The following CACNA1C variants were observed in gnomAD, a reference collection of about 807,000 sequenced individuals.
CACNA1C encodes voltage-dependent L-type calcium channel subunit alpha-1C.
In CACNA1C, 30 loss-of-function variants were observed where a neutral mutation model predicts 229.0. That is an observed-to-expected ratio of 0.13 (90% CI 0.10 to 0.18). The LOEUF is 0.18. Among genes scored for constraint, CACNA1C ranks in the 10% least tolerant of loss-of-function variants. The probability of loss-of-function intolerance (pLI) is 1.00; values close to 1 mark genes in which losing one functional copy is unlikely to be tolerated. For missense variants in CACNA1C, 1,658 were observed against 2,845.0 expected (o/e 0.58, Z 9.49); for synonymous variants, 1,114 against 1,132.5 (o/e 0.98, Z 0.33).
intron 3 of CACNA1C, among the ~76,000 whole-genome samples, chr12:2,248,513 C>T (rs962766372): frequency 5.3e-5 from 8 of 152,288 alleles, no homozygotes; most frequent in African/African-American, 1.4e-4. Context: ...CTGGCAGATG[C>T]TCTGTGTTGA....
At chr12:2,086,618 C>CG (rs2067770085) in intron 1 of CACNA1C, among the ~76,000 whole-genome samples, 1 of 152,216 alleles carries the variant, frequency 6.6e-6, no homozygotes, top group African/African-American at 2.4e-5. Context: ...AGTGCAGTTA[C>CG]TCCTGGTCAG....
At chr12:2,456,374 A>ATGAT (rs1472238195) in intron 4 of CACNA1C, among the ~76,000 whole-genome samples, 1 of 152,212 alleles carries the variant, frequency 6.6e-6, no homozygotes, top group African/African-American at 2.4e-5. Context: ...CAACAGCAGA[A>ATGAT]TGATTCTTTT....
intron 3 of CACNA1C, among the ~76,000 whole-genome samples, chr12:2,161,708 T>G (rs1466820765): frequency 1.3e-5 from 2 of 152,196 alleles, no homozygotes; most frequent in Non-Finnish European, 2.9e-5. Context: ...GAATGCTGTT[T>G]GGCAAACAAA....
At chr12:2,246,174 G>A (rs2073123475) in intron 3 of CACNA1C, among the ~76,000 whole-genome samples, 2 of 152,194 alleles carry the variant, frequency 1.3e-5, no homozygotes, top group South Asian at 2.1e-4. Context: ...ACAGGGCATG[G>A]CGTGGGGACA....
At chr12:2,126,699 G>T (rs1184551023) in intron 3 of CACNA1C, among the ~76,000 whole-genome samples, 3 of 152,216 alleles carry the variant, frequency 2.0e-5, no homozygotes, top group Admixed American at 6.5e-5. Flanking sequence ...GCTTGAGCTA[G>T]ACTAGGAAGA....
At chr12:2,202,805 T>G (rs2097631575) in intron 3 of CACNA1C, among the ~76,000 whole-genome samples, 1 of 152,024 alleles carries the variant, frequency 6.6e-6, no homozygotes, top group Non-Finnish European at 1.5e-5. Flanking sequence ...GAGCGGAGGG[T>G]GGAATGAGGC....
At chr12:2,580,130 A>T (rs2059974479) in intron 13 of CACNA1C, among the ~76,000 whole-genome samples, 1 of 152,260 alleles carries the variant, frequency 6.6e-6, no homozygotes, top group African/African-American at 2.4e-5. Context: ...TCTGCCGTCT[A>T]AAATTTAGAG....
At chr12:2,624,702 G>T (rs1280296685) in intron 29 of CACNA1C, among the ~76,000 whole-genome samples, 1 of 152,146 alleles carries the variant, frequency 6.6e-6, no homozygotes, top group Non-Finnish European at 1.5e-5. Flanking sequence ...AGCGCCCCGT[G>T]GTGGCCAGTG....
At chr12:2,480,838 T>C (rs572404273) in intron 5 of CACNA1C, among the ~76,000 whole-genome samples, 15 of 152,336 alleles carry the variant, frequency 9.8e-5, no homozygotes, top group African/African-American at 3.4e-4. Context: ...GAAATGTTCA[T>C]GCCTAAACAC....
chr12:2,531,559 CTG>C (rs1271317825), intron 9 of CACNA1C, among the ~76,000 whole-genome samples: 1 of 152,222 alleles, frequency 6.6e-6, no homozygotes, highest in African/African-American at 2.4e-5. Context: ...CAGAACAAGT[CTG>C]TGGCTAAGCT....
intron 3 of CACNA1C, among the ~76,000 whole-genome samples, chr12:2,159,109 G>A (rs560611033): frequency 2.6e-5 from 4 of 152,132 alleles, no homozygotes; most frequent in Non-Finnish European, 5.9e-5. Flanking sequence ...AAAGCTTATT[G>A]TTGTTGAGGG....
intron 3 of CACNA1C, among the ~76,000 whole-genome samples, chr12:2,420,610 G>A (rs1176963258): frequency 6.6e-6 from 1 of 152,196 alleles, no homozygotes; most frequent in Non-Finnish European, 1.5e-5. Flanking sequence ...AAGGGATTTT[G>A]CATTTGCCCA....
intron 13 of CACNA1C, among the ~76,000 whole-genome samples, chr12:2,569,087 G>A (rs115641179): frequency 0.019 from 2,865 of 152,220 alleles, 84 homozygotes; most frequent in African/African-American, 0.064. Context: ...CTGCACTGCA[G>A]ATGGTGTTCA....
At position 1,971,326 on chromosome 12, in the gene CACNA1C, A is replaced by T; in HGVS notation, c.139+125A>T. ...ACTCATCTCTCCATATTTAATCAGGATTTACCACACACCGTTGTAAAATTT... is the reference window on the plus strand; with the variant it reads ...ACTCATCTCTCCATATTTAATCAGGTTTTACCACACACCGTTGTAAAATTT... On this transcript the variant is annotated intron_variant, in intron 1 of 46. Transcript: ENST00000682462. This position sits in a 1 kb window ranked among gnomAD's most constrained non-coding sequence, Gnocchi z 4.2. The T allele has an allele frequency of 2.1e-6, 1 of 477,236 alleles. No individual in the cohort carries two copies. Among genetic ancestry groups the T allele is most frequent in the Non-Finnish European group, 3.4e-6 (1 of 296,066 alleles). 29.6% of individuals were successfully genotyped at this position (477,236 alleles called of 1,614,324 possible).
intron 29 of CACNA1C, among the ~76,000 whole-genome samples, chr12:2,626,701 A>G (rs938454536): frequency 6.6e-6 from 1 of 152,042 alleles, no homozygotes; most frequent in African/African-American, 2.4e-5. Flanking sequence ...GGGATCCCCC[A>G]ATCTACCCAG....
At chr12:2,170,622 G>T (rs558781533) in intron 3 of CACNA1C, among the ~76,000 whole-genome samples, 1 of 152,370 alleles carries the variant, frequency 6.6e-6, no homozygotes, top group African/African-American at 2.4e-5. Flanking sequence ...GAGTTGAGGT[G>T]GAAGTCTCCT....
chr12:2,582,207 CAT>C (rs1398883412), intron 14 of CACNA1C, among the ~76,000 whole-genome samples: 1 of 151,452 alleles, frequency 6.6e-6, no homozygotes, highest in Non-Finnish European at 1.5e-5. Flanking sequence ...AAGCCCAAAA[CAT>C]AAAGAAAAGC....
chr12:2,650,587 G>A (rs907601447), intron 31 of CACNA1C, among the ~76,000 whole-genome samples: 3 of 152,156 alleles, frequency 2.0e-5, no homozygotes, highest in African/African-American at 4.8e-5. Flanking sequence ...TCACCAGGCC[G>A]ATGTGGGCAG....
intron 3 of CACNA1C, among the ~76,000 whole-genome samples, chr12:2,206,944 T>C (rs2097771943): frequency 2.0e-5 from 3 of 152,260 alleles, no homozygotes; most frequent in African/African-American, 7.2e-5. Flanking sequence ...TAGGAAATTA[T>C]ATTTACAGCC....
Sources: allele counts gnomAD v4.1 joint callset (sites outside exome capture counted in the v4.1 genomes callset), GRCh38; gene constraint gnomAD v4.1.1; non-coding constraint Gnocchi (gnomAD v3.1); transcripts MANE v1.5; gene names NCBI Gene and HGNC (gene_info 2026-07-23, HGNC 2026-07-21).